CNTN3: variants seen among roughly 807,000 people sequenced by gnomAD.
The protein encoded by CNTN3 is contactin 3.
Under a neutral mutation model 119.1 loss-of-function variants are expected in CNTN3, and 60 were observed. That is an observed-to-expected ratio of 0.50 (90% CI 0.41 to 0.62). CNTN3 has a LOEUF of 0.62. Ranked by LOEUF, CNTN3 falls within the 20% of genes least tolerant of loss-of-function variation. The pLI is 0.00. For missense variants in CNTN3, 1,101 were observed against 1,242.4 expected (o/e 0.89, Z 1.71); for synonymous variants, 450 against 438.7 (o/e 1.03, Z -0.32).
chr3:74,378,954 G>A (rs972654517), intron 5 of CNTN3, among the ~76,000 whole-genome samples: 5 of 151,920 alleles, frequency 3.3e-5, no homozygotes, highest in African/African-American at 1.2e-4. Context: ...TCTCTCTCTT[G>A]TTTTAGTCTC....
At position 74,285,343 on chromosome 3, in the gene CNTN3, G is replaced by C; in HGVS notation, c.2666C>G (p.Pro889Arg). 1 of 1,611,680 alleles carries C rather than the reference G, an allele frequency of 6.2e-7. No homozygotes were observed. The highest frequency in any genetic ancestry group is 2.2e-5 in the East Asian group (1 of 44,650). ...GGTTACATTAACTGTGGCGCTAAAA[G>C]GCCCAGCGCCGGCACTGTTGTAAGC... Reference protein sequence around the residue: ...VRAYNSAGAGPFSATVNVTTK... With the variant: ...VRAYNSAGAGRFSATVNVTTK... Residue 889 changes from proline to arginine, a missense_variant, in exon 20 of 23, where the codon CCT becomes CGT. By Grantham distance (103) the Pro-to-Arg change is moderately radical. Coordinates refer to ENST00000263665, the MANE Select transcript of CNTN3 (RefSeq NM_020872.3).
chr3:74,297,895 A>G lies in CNTN3; in HGVS notation c.2401+62T>C, dbSNP rs370388467. On this transcript the variant is annotated intron_variant, in intron 18 of 22. Transcript: ENST00000263665. The stretch of plus-strand genomic sequence containing the variant: ...TGAAGTCAAAACGAGACTCCAAATC[A>G]GTTTTTGGAGCACAAATAATTATTA... 25 of 1,283,220 alleles carry G rather than the reference A, an allele frequency of 1.9e-5. 1 individual carries two copies. In the East Asian group the frequency reaches 2.8e-4, roughly 14 times the overall value. The allele number at this position is 1,283,220 out of a possible 1,614,324, so 79.5% of individuals were successfully genotyped here. A position where few individuals can be genotyped will look rare whatever the true frequency, so the allele number is the denominator to read the frequency against.
intron 13 of CNTN3, among the ~76,000 whole-genome samples, chr3:74,333,397 G>C (rs542821874): frequency 2.0e-5 from 3 of 152,154 alleles, no homozygotes; most frequent in Non-Finnish European, 4.4e-5. Flanking sequence ...AATCTCTAAG[G>C]GGAAATTCTT....
At chr3:74,502,305 A>C (rs1018949738) in intron 2 of CNTN3, among the ~76,000 whole-genome samples, 1 of 152,136 alleles carries the variant, frequency 6.6e-6, no homozygotes, top group African/African-American at 2.4e-5. Flanking sequence ...AGAGGTGTTC[A>C]AAAAATTTCC....
At chr3:74,448,772 C>A (rs1702093463) in intron 4 of CNTN3, among the ~76,000 whole-genome samples, 1 of 152,062 alleles carries the variant, frequency 6.6e-6, no homozygotes, top group Non-Finnish European at 1.5e-5. Context: ...CAGAGTCTAC[C>A]AGAATGGTCC....
At chr3:74,510,347 G>A (rs1358409080) in intron 2 of CNTN3, among the ~76,000 whole-genome samples, 3 of 152,050 alleles carry the variant, frequency 2.0e-5, no homozygotes, top group African/African-American at 7.2e-5. Context: ...TCCTTACAGA[G>A]GCAGTTATTT....
intron 13 of CNTN3, among the ~76,000 whole-genome samples, chr3:74,322,050 G>A (rs1487680957): frequency 1.3e-5 from 2 of 151,996 alleles, no homozygotes; most frequent in East Asian, 1.9e-4. Context: ...GCCAGGTGTG[G>A]TGGTACACAG....
chr3:74,472,110 T>C (rs1702576449), intron 4 of CNTN3, among the ~76,000 whole-genome samples: 1 of 152,176 alleles, frequency 6.6e-6, no homozygotes, highest in Admixed American at 6.5e-5. Flanking sequence ...CTTGTTCAAT[T>C]ACGAACATTC....
chr3:74,567,392 G>A lies in CNTN3; in HGVS notation c.-80-46200C>T, dbSNP rs141745566. On this transcript the variant is annotated intron_variant, in intron 1 of 22. Transcript: ENST00000263665. ...CCAGGCTTGTTTTGAACTCCTGGGC[G>A]CAAGTGATCCTCCCACCTTGGGCTC... Among the ~76,000 whole-genome samples the A allele has an allele frequency of 1.4e-3, 201 of 143,174 alleles. 1 individual carries two copies. The highest frequency in any genetic ancestry group is 4.6e-3 in the African/African-American group (178 of 38,724). The allele number at this position is 143,174 out of a possible 152,430, so 93.9% of individuals were successfully genotyped here.
At chr3:74,593,912 G>GT (rs1027567787) in intron 1 of CNTN3, among the ~76,000 whole-genome samples, 4 of 151,918 alleles carry the variant, frequency 2.6e-5, no homozygotes, top group African/African-American at 9.7e-5. Flanking sequence ...CTAGAACAGA[G>GT]TAACTTGGAA....
intron 5 of CNTN3, among the ~76,000 whole-genome samples, chr3:74,422,477 T>C (rs1701631244): frequency 6.6e-6 from 1 of 152,176 alleles, no homozygotes; most frequent in Non-Finnish European, 1.5e-5. Flanking sequence ...CAGGATATCA[T>C]TATTTAGGAC....
At chr3:74,551,825 G>A (rs576747024) in intron 1 of CNTN3, among the ~76,000 whole-genome samples, 149 of 135,620 alleles carry the variant, frequency 1.1e-3, no homozygotes, top group Non-Finnish European at 1.6e-3. Flanking sequence ...GTGCAGTGGC[G>A]CGATCTCGGT....
chr3:74,335,603 GT>G (rs1237194227), intron 12 of CNTN3, among the ~76,000 whole-genome samples: 1 of 152,088 alleles, frequency 6.6e-6, no homozygotes, highest in African/African-American at 2.4e-5. Context: ...AATTATGCTA[GT>G]CAATTCCCTC....
intron 13 of CNTN3, among the ~76,000 whole-genome samples, chr3:74,308,062 G>C (rs991451714): frequency 6.6e-6 from 1 of 152,086 alleles, no homozygotes; most frequent in Admixed American, 6.6e-5. Context: ...GAACCTGTAA[G>C]TTCCTTCTGG....
At chr3:74,407,940 T>C (rs1701364420) in intron 5 of CNTN3, among the ~76,000 whole-genome samples, 1 of 152,182 alleles carries the variant, frequency 6.6e-6, no homozygotes, top group Non-Finnish European at 1.5e-5. Context: ...ACAGAGGCCA[T>C]ATGCACAATA....
chr3:74,566,801 C>T (rs562827452), intron 1 of CNTN3, among the ~76,000 whole-genome samples: 1 of 152,178 alleles, frequency 6.6e-6, no homozygotes, highest in Non-Finnish European at 1.5e-5. Flanking sequence ...ATAGAGGCTA[C>T]AAGGTCCTGG....
At chr3:74,401,597 T>C (rs529964453) in intron 5 of CNTN3, among the ~76,000 whole-genome samples, 1 of 152,226 alleles carries the variant, frequency 6.6e-6, no homozygotes, top group South Asian at 2.1e-4. Context: ...GTCATAAGAA[T>C]AATGCTACAA....
At chr3:74,453,263 G>A (rs917648724) in intron 4 of CNTN3, among the ~76,000 whole-genome samples, 42 of 152,106 alleles carry the variant, frequency 2.8e-4, no homozygotes, top group African/African-American at 7.9e-4. Flanking sequence ...ATGTGTCGAG[G>A]AATTTATCCA....
intron 4 of CNTN3, among the ~76,000 whole-genome samples, chr3:74,451,542 G>T (rs895432069): frequency 7.9e-5 from 12 of 152,064 alleles, no homozygotes; most frequent in East Asian, 7.7e-4. Flanking sequence ...GTCAATTTTG[G>T]CTTTTGTTGC....
Sources: gnomAD v4.1 joint callset for allele counts (sites outside exome capture counted in the v4.1 genomes callset) on GRCh38, gnomAD v4.1.1 for gene constraint, MANE v1.5 for transcripts, NCBI Gene and HGNC (gene_info 2026-07-23, HGNC 2026-07-21) for gene names.